LARP4: variants seen among roughly 807,000 people sequenced by gnomAD.
LARP4 encodes la-related protein 4.
Under a neutral mutation model 92.9 loss-of-function variants are expected in LARP4, and 29 were observed. The observed-to-expected ratio is 0.31, with a 90% CI of 0.23 to 0.43. LARP4 has a LOEUF of 0.43. LARP4 is among the 20% of genes least tolerant of loss of function. LARP4 has a pLI of 1.00. For missense variants in LARP4, 732 were observed against 860.0 expected (o/e 0.85, Z 1.86); for synonymous variants, 279 against 284.1 (o/e 0.98, Z 0.18).
intron 13 of LARP4, among the ~76,000 whole-genome samples, chr12:50,469,601 CAAAAAAA>C (rs757844912): frequency 1.5e-4 from 10 of 65,576 alleles, no homozygotes; most frequent in Non-Finnish European, 2.3e-4. Flanking sequence ...GAGACTCTAT[CAAAAAAA>C]AAAAAAAAAA....
chr12:50,418,749 C>T (rs757457424), intron 1 of LARP4, among the ~76,000 whole-genome samples: 20 of 152,176 alleles, frequency 1.3e-4, no homozygotes, highest in African/African-American at 3.6e-4. Flanking sequence ...GAGACAGTCC[C>T]GCTTTGTCAT....
At chr12:50,453,125 G>GT (rs1378389446) in intron 8 of LARP4, among the ~76,000 whole-genome samples, 3 of 150,428 alleles carry the variant, frequency 2.0e-5, no homozygotes, top group Admixed American at 2.0e-4. Context: ...GTGGTACCCA[G>GT]GGTGGCCTCG....
At chr12:50,409,829 G>A (rs545816291) in intron 1 of LARP4, among the ~76,000 whole-genome samples, 14 of 150,478 alleles carry the variant, frequency 9.3e-5, no homozygotes, top group Middle Eastern at 3.4e-3. Context: ...ATGGCGTTTC[G>A]CTCTTATTGC....
chr12:50,457,351 C>T (rs901936594), intron 10 of LARP4, among the ~76,000 whole-genome samples: 5 of 151,842 alleles, frequency 3.3e-5, no homozygotes, highest in African/African-American at 7.2e-5. Flanking sequence ...AGATTACAGA[C>T]GCATGCCACC....
intron 13 of LARP4, among the ~76,000 whole-genome samples, chr12:50,467,595 G>A (rs1048867447): frequency 2.0e-5 from 3 of 152,006 alleles, no homozygotes; most frequent in Admixed American, 2.0e-4. Context: ...GAGCCACCAC[G>A]CCCAGCCTTG....
At position 50,441,635 on chromosome 12, in the gene LARP4, C is replaced by A; in HGVS notation, c.796C>A (p.Pro266Thr). 1 of 1,599,522 alleles carries A rather than the reference C, an allele frequency of 6.3e-7. No individual in the cohort carries two copies. Among genetic ancestry groups the A allele is most frequent in the Non-Finnish European group, 8.5e-7 (1 of 1,173,996 alleles). The change falls in exon 8 of 16, where the codon CCA (proline) becomes ACA (threonine). Residue 266 changes from proline (P) to threonine (T), a missense_variant. Around this residue, in one of 7 missense-constraint regions of LARP4, gnomAD observed 236 missense variants for 307.6 expected, o/e 0.77. Coordinates refer to ENST00000398473, the MANE Select transcript of LARP4 (RefSeq NM_052879.5). ...REEVKTFQGKPIMARIKAINT... is the reference protein window; with the variant it reads ...REEVKTFQGKTIMARIKAINT... ...AGAAGTTAAAACATTTCAGGGCAAG[C>A]CAATTATGGTAAGAAATAGAGATCA... is the stretch of plus-strand genomic sequence containing the variant.
chr12:50,468,195 G>T (rs1956415800), intron 13 of LARP4, among the ~76,000 whole-genome samples: 1 of 152,098 alleles, frequency 6.6e-6, no homozygotes, highest in African/African-American at 2.4e-5. Flanking sequence ...GGCCAGGCTG[G>T]TCTCAAACTC....
intron 4 of LARP4, among the ~76,000 whole-genome samples, chr12:50,432,419 C>A (rs1233942574): frequency 6.6e-6 from 1 of 152,120 alleles, no homozygotes; most frequent in Non-Finnish European, 1.5e-5. Flanking sequence ...TAGCTCTATT[C>A]CTTCTACATG....
At position 50,428,934 on chromosome 12, in the gene LARP4, G is replaced by A. The variant is rs566292870; in HGVS notation, c.167-1G>A. On this transcript the variant is annotated splice_acceptor_variant, in intron 2 of 15. Coordinates refer to ENST00000398473, the MANE Select transcript of LARP4 (RefSeq NM_052879.5). LOFTEE classifies it high-confidence loss of function. Reference sequence around the variant, plus strand: ...ACTTTCAGTGTCTGTCTTTAATACAGGTAATGCAGAGCTCTCAGAAGATAT... The same window carrying A: ...ACTTTCAGTGTCTGTCTTTAATACAAGTAATGCAGAGCTCTCAGAAGATAT... 1 of 1,582,066 alleles carries A rather than the reference G, an allele frequency of 6.3e-7. No homozygotes were observed. The highest frequency in any genetic ancestry group is 8.6e-7 in the Non-Finnish European group (1 of 1,164,318).
chr12:50,448,110 G>A (rs1047953588), intron 8 of LARP4, among the ~76,000 whole-genome samples: 2 of 152,042 alleles, frequency 1.3e-5, no homozygotes, highest in African/African-American at 4.8e-5. Context: ...TGTGATCCAC[G>A]CGCCTCGGCC....
chr12:50,449,894 C>T (rs981782790), intron 8 of LARP4, among the ~76,000 whole-genome samples: 1 of 146,584 alleles, frequency 6.8e-6, no homozygotes, highest in African/African-American at 2.5e-5. Flanking sequence ...GAATTGACTC[C>T]TGAGACCTTT....
Position 50,474,049 on chromosome 12 carries a change from A to T in LARP4, c.1718A>T (p.Asp573Val), listed in dbSNP as rs1370237938. 6.2e-7 allele frequency: 1 copy of T among 1,612,320 alleles called. No individual in the cohort carries two copies. The highest frequency in any genetic ancestry group is 8.5e-7 in the Non-Finnish European group (1 of 1,179,944). The change falls in exon 15 of 16, where the codon GAT (aspartate) becomes GTT (valine). Residue 573 changes from aspartate to valine, a missense_variant. Around this residue, in one of 7 missense-constraint regions of LARP4, gnomAD observed 97 missense variants for 85.9 expected, o/e 1.13. Transcript: ENST00000398473. ...ATAGAAGATTCCTCTGTTCAGAAGG[A>T]TGGTCTCAATCAGACAACTATACCA... ...DLIEDSSVQK[D>V]GLNQTTIPVS...
At chr12:50,415,378 G>C (rs1193617174) in intron 1 of LARP4, among the ~76,000 whole-genome samples, 2 of 152,036 alleles carry the variant, frequency 1.3e-5, no homozygotes, top group Non-Finnish European at 2.9e-5. Context: ...TCAGATTTTG[G>C]GGTAGTGTAC....
At chr12:50,434,358 A>T (rs1050537212) in intron 4 of LARP4, among the ~76,000 whole-genome samples, 1 of 151,248 alleles carries the variant, frequency 6.6e-6, no homozygotes, top group Non-Finnish European at 1.5e-5. Flanking sequence ...TCTTTTTTTA[A>T]TGTACCTTAA....
chr12:50,456,220 A>G (rs534204055), intron 10 of LARP4, among the ~76,000 whole-genome samples: 1 of 152,306 alleles, frequency 6.6e-6, no homozygotes, highest in East Asian at 1.9e-4. Context: ...ATGACAGTCA[A>G]GTTATCTTTA....
intron 1 of LARP4, among the ~76,000 whole-genome samples, chr12:50,402,272 G>C (rs1435849073): frequency 1.3e-5 from 2 of 152,040 alleles, no homozygotes; most frequent in Non-Finnish European, 2.9e-5. Flanking sequence ...TTAAAAGACT[G>C]CTACATTAGA....
At chr12:50,458,287 TTTTG>T (rs1954705006) in intron 10 of LARP4, among the ~76,000 whole-genome samples, 4 of 151,882 alleles carry the variant, frequency 2.6e-5, no homozygotes, top group South Asian at 2.1e-4. Context: ...TGTTTTTGTT[TTTTG>T]TTTGTTTTTG....
intron 1 of LARP4, among the ~76,000 whole-genome samples, chr12:50,426,723 G>T (rs1948812586): frequency 8.2e-6 from 1 of 121,424 alleles, no homozygotes; most frequent in African/African-American, 4.0e-5. Flanking sequence ...GTGTGTGTGT[G>T]TGTGTGTGGT....
intron 1 of LARP4, among the ~76,000 whole-genome samples, chr12:50,410,038 C>T (rs1945573968): frequency 6.6e-6 from 1 of 150,986 alleles, no homozygotes; most frequent in Non-Finnish European, 1.5e-5. Flanking sequence ...GTGATCTGCC[C>T]ACCTCAGCCT....
Sources: allele counts gnomAD v4.1 joint callset (sites outside exome capture counted in the v4.1 genomes callset), GRCh38; gene constraint gnomAD v4.1.1; regional missense constraint gnomAD v4.1.1; transcripts MANE v1.5; gene names NCBI Gene and HGNC (gene_info 2026-07-23, HGNC 2026-07-21).